KCNQ5: variants seen among roughly 807,000 people sequenced by gnomAD.
The protein encoded by KCNQ5 is potassium voltage-gated channel subfamily KQT member 5.
A neutral mutation model predicts 98.2 loss-of-function variants in KCNQ5; 30 were observed. The ratio of observed to expected loss-of-function variants is 0.31; its 90% confidence interval spans 0.23 to 0.41. KCNQ5 has a LOEUF of 0.41. Among genes scored for constraint, KCNQ5 ranks in the 10% least tolerant of loss-of-function variants. The pLI, the probability that KCNQ5 is intolerant of heterozygous loss-of-function variation, is 1.00. For synonymous variants in KCNQ5, 458 were observed against 449.4 expected (o/e 1.02, Z -0.24); for missense variants, 835 against 1,182.5 (o/e 0.71, Z 4.31).
At chr6:72,779,321 G>A (rs1416164199) in intron 1 of KCNQ5, among the ~76,000 whole-genome samples, 1 of 152,178 alleles carries the variant, frequency 6.6e-6, no homozygotes, top group Admixed American at 6.5e-5. Flanking sequence ...GTCAAAGGAT[G>A]ATAGGGATAT....
chr6:72,633,914 C>T (rs2098922509), intron 1 of KCNQ5, among the ~76,000 whole-genome samples: 1 of 152,164 alleles, frequency 6.6e-6, no homozygotes, highest in East Asian at 1.9e-4. Context: ...AAATATAAGA[C>T]CTCAAACTAG....
intron 1 of KCNQ5, among the ~76,000 whole-genome samples, chr6:72,849,300 T>A (rs1335467786): frequency 6.6e-6 from 1 of 152,202 alleles, no homozygotes; most frequent in East Asian, 1.9e-4. Flanking sequence ...TTTGGGTAGA[T>A]ACCAAGTAGT....
chr6:72,702,269 G>A (rs1268860472), intron 1 of KCNQ5, among the ~76,000 whole-genome samples: 1 of 152,164 alleles, frequency 6.6e-6, no homozygotes, highest in Non-Finnish European at 1.5e-5. Flanking sequence ...GTGAGGTTGA[G>A]CAAAGATAAA....
intron 11 of KCNQ5, among the ~76,000 whole-genome samples, chr6:73,181,457 A>G (rs756736942): frequency 6.6e-6 from 1 of 152,212 alleles, no homozygotes; most frequent in Non-Finnish European, 1.5e-5. Flanking sequence ...ATATTCATGA[A>G]AGAAAGGATG....
At chr6:72,951,165 A>G (rs1037023457) in intron 1 of KCNQ5, among the ~76,000 whole-genome samples, 15 of 152,172 alleles carry the variant, frequency 9.9e-5, no homozygotes, top group African/African-American at 3.6e-4. Flanking sequence ...AGGATTTTCA[A>G]CTTTCTTGTT....
At chr6:72,773,862 A>G (rs1388973842) in intron 1 of KCNQ5, among the ~76,000 whole-genome samples, 2 of 152,164 alleles carry the variant, frequency 1.3e-5, no homozygotes, top group East Asian at 1.9e-4. Context: ...TATAAGACCT[A>G]TTATAGAACT....
chr6:72,978,037 G>A (rs1562105924), intron 1 of KCNQ5, among the ~76,000 whole-genome samples: 1 of 152,156 alleles, frequency 6.6e-6, no homozygotes, highest in Non-Finnish European at 1.5e-5. Context: ...TGTTCTCATG[G>A]AGGATACATT....
intron 10 of KCNQ5, among the ~76,000 whole-genome samples, chr6:73,141,677 G>A (rs1020237748): frequency 2.6e-5 from 4 of 152,138 alleles, no homozygotes; most frequent in South Asian, 2.1e-4. Flanking sequence ...AATGACCTTC[G>A]AGTGCTGCCT....
intron 1 of KCNQ5, among the ~76,000 whole-genome samples, chr6:72,729,038 T>C (rs1306579085): frequency 2.0e-5 from 3 of 152,198 alleles, no homozygotes; most frequent in Admixed American, 2.0e-4. Context: ...CTGCGCAATG[T>C]TCTTTTTTTC....
At chr6:72,778,555 A>G (rs2154477741) in intron 1 of KCNQ5, among the ~76,000 whole-genome samples, 1 of 151,874 alleles carries the variant, frequency 6.6e-6, no homozygotes, top group East Asian at 1.9e-4. Flanking sequence ...AAAAAAAAGA[A>G]TATACTGTAT....
intron 1 of KCNQ5, among the ~76,000 whole-genome samples, chr6:72,633,250 T>C (rs996420413): frequency 2.6e-5 from 4 of 152,198 alleles, no homozygotes; most frequent in African/African-American, 9.6e-5. Context: ...TGTCTGTTCA[T>C]GTTCTTTGCC....
chr6:72,923,874 C>T (rs2150220719), intron 1 of KCNQ5, among the ~76,000 whole-genome samples: 1 of 152,242 alleles, frequency 6.6e-6, no homozygotes, highest in South Asian at 2.1e-4. Flanking sequence ...GCTAGTGGGT[C>T]ATTTGAGTTA....
At chr6:72,687,710 A>G (rs551615075) in intron 1 of KCNQ5, among the ~76,000 whole-genome samples, 1 of 152,354 alleles carries the variant, frequency 6.6e-6, no homozygotes, top group African/African-American at 2.4e-5. Context: ...TTGTGTCTCA[A>G]ACTGTAGAAT....
At chr6:72,736,585 C>T (rs1325666661) in intron 1 of KCNQ5, among the ~76,000 whole-genome samples, 6 of 139,916 alleles carry the variant, frequency 4.3e-5, no homozygotes, top group Non-Finnish European at 6.0e-5. Flanking sequence ...CTGCAAGCTC[C>T]GCCTCCCGGG....
At chr6:72,725,552 C>T (rs1372500331) in intron 1 of KCNQ5, among the ~76,000 whole-genome samples, 1 of 152,004 alleles carries the variant, frequency 6.6e-6, no homozygotes, top group African/African-American at 2.4e-5. Context: ...AGATGTTGAT[C>T]AAAGAGTACA....
chr6:72,673,650 T>A (rs1767255061), intron 1 of KCNQ5, among the ~76,000 whole-genome samples: 1 of 152,034 alleles, frequency 6.6e-6, no homozygotes, highest in African/African-American at 2.4e-5. Flanking sequence ...AAGGAGGACG[T>A]GGAGTGGGAA....
intron 3 of KCNQ5, among the ~76,000 whole-genome samples, chr6:73,054,538 C>G (rs751304997): frequency 5.9e-5 from 9 of 152,176 alleles, no homozygotes; most frequent in Non-Finnish European, 1.2e-4. Context: ...TTTGGTTCAA[C>G]ATATACAAAT....
chr6:72,867,183 T>C (rs1778023059), intron 1 of KCNQ5, among the ~76,000 whole-genome samples: 2 of 152,258 alleles, frequency 1.3e-5, no homozygotes, highest in Admixed American at 1.3e-4. Context: ...GTAATCTAAC[T>C]AAATATATCA....
In KCNQ5 at chr6:73,195,192, T is replaced by C. The variant is rs199855188; in HGVS notation, c.2577T>C (p.Asp859=). The C allele has an allele frequency of 6.2e-7, 1 of 1,614,166 alleles. No individual in the cohort carries two copies. Among genetic ancestry groups the C allele is most frequent in the Non-Finnish European group, 8.5e-7 (1 of 1,180,028 alleles). Residue 859 remains aspartate (D), a synonymous_variant, in exon 14 of 14, where the codon GAT becomes GAC. Transcript: ENST00000370398. ...CAAGTGGCTCCAGAGGCAGCCAAGA[T>C]TTTTACCCCAAATGGAGGGAATCCA... ...SESSGSRGSQ[D]FYPKWRESKL...
Sources: gnomAD v4.1 joint callset for allele counts (sites outside exome capture counted in the v4.1 genomes callset) on GRCh38, gnomAD v4.1.1 for gene constraint, MANE v1.5 for transcripts, NCBI Gene and HGNC (gene_info 2026-07-23, HGNC 2026-07-21) for gene names.